The following FHIT variants were observed in gnomAD, a reference collection of about 807,000 sequenced individuals.
FHIT encodes the protein bis(5'-adenosyl)-triphosphatase.
FHIT carries 19 observed loss-of-function variants against 17.9 expected under a neutral mutation model. That is an observed-to-expected ratio of 1.06 (90% confidence interval 0.74 to 1.56). FHIT has a LOEUF of 1.56. FHIT is among the 40% of genes most tolerant of loss of function. FHIT has a pLI of 0.00. For missense variants in FHIT, 248 were observed against 189.2 expected, an observed-to-expected ratio of 1.31 and a Z score of -1.82; for synonymous variants, 81 against 69.7, an observed-to-expected ratio of 1.16 and a Z score of -0.81.
chr3:60,259,511 G>C (rs1351688885), intron 5 of FHIT, among the ~76,000 whole-genome samples: 1 of 152,080 alleles, frequency 6.6e-6, no homozygotes, highest in Non-Finnish European at 1.5e-5. Flanking sequence ...CTTAAGTTAT[G>C]GCAACTGCAA....
intron 4 of FHIT, among the ~76,000 whole-genome samples, chr3:60,653,070 G>C (rs2040033748): frequency 6.6e-6 from 1 of 152,074 alleles, no homozygotes; most frequent in African/African-American, 2.4e-5. Flanking sequence ...CGCAACAATA[G>C]CCTTCTTATT....
chr3:60,993,124 T>C (rs1289895858), intron 3 of FHIT, among the ~76,000 whole-genome samples: 2 of 152,218 alleles, frequency 1.3e-5, no homozygotes, highest in Non-Finnish European at 2.9e-5. Flanking sequence ...ACATGCTCAC[T>C]AGAATGGTTC....
intron 3 of FHIT, among the ~76,000 whole-genome samples, chr3:61,018,452 T>C (rs927303446): frequency 3.9e-5 from 6 of 152,340 alleles, no homozygotes; most frequent in African/African-American, 9.6e-5. Context: ...GTCCAACTTT[T>C]AGTTTCTCTA....
At chr3:60,298,854 G>A (rs1010535828) in intron 5 of FHIT, among the ~76,000 whole-genome samples, 2 of 152,070 alleles carry the variant, frequency 1.3e-5, no homozygotes, top group Non-Finnish European at 2.9e-5. Flanking sequence ...TGAGTCAAGT[G>A]GCATGCAGCT....
intron 5 of FHIT, among the ~76,000 whole-genome samples, chr3:60,359,649 A>G (rs1699824177): frequency 6.6e-6 from 1 of 152,044 alleles, no homozygotes; most frequent in African/African-American, 2.4e-5. Context: ...GCCAAACACC[A>G]CTTGTTTTCG....
chr3:60,234,678 T>G (rs1704676449), intron 5 of FHIT, among the ~76,000 whole-genome samples: 1 of 152,188 alleles, frequency 6.6e-6, no homozygotes. Context: ...CTGAAAGAAT[T>G]GATTTTGAAG....
At chr3:60,004,063 A>G (rs545513470) in intron 7 of FHIT, among the ~76,000 whole-genome samples, 56 of 152,264 alleles carry the variant, frequency 3.7e-4, no homozygotes, top group African/African-American at 1.3e-3. Flanking sequence ...CTAGTATCCT[A>G]TAGCAAAATG....
intron 3 of FHIT, among the ~76,000 whole-genome samples, chr3:60,923,733 C>T (rs186048434): frequency 6.6e-6 from 1 of 152,208 alleles, no homozygotes; most frequent in East Asian, 1.9e-4. Flanking sequence ...GTGCAGCACA[C>T]TGAGCATGAG....
chr3:60,752,459 G>A (rs769098873), intron 4 of FHIT, among the ~76,000 whole-genome samples: 9 of 152,190 alleles, frequency 5.9e-5, no homozygotes, highest in East Asian at 1.9e-4. Context: ...ACTGGAAGGC[G>A]ACTGGGGTCA....
chr3:59,892,662 T>C (rs552661754), intron 8 of FHIT, among the ~76,000 whole-genome samples: 5 of 152,278 alleles, frequency 3.3e-5, no homozygotes, highest in African/African-American at 1.2e-4. Context: ...CTATTACCAA[T>C]GGTGGGGGAT....
intron 5 of FHIT, among the ~76,000 whole-genome samples, chr3:60,282,394 G>T (rs1250881997): frequency 8.5e-5 from 13 of 152,128 alleles, no homozygotes; most frequent in South Asian, 2.1e-4. Context: ...ATGGAAAAGG[G>T]AAAACTATAG....
chr3:59,960,608 G>A (rs974079097), intron 7 of FHIT, among the ~76,000 whole-genome samples: 1 of 152,274 alleles, frequency 6.6e-6, no homozygotes, highest in South Asian at 2.1e-4. Context: ...TGAGGCTTTG[G>A]GATAGATAGA....
intron 7 of FHIT, among the ~76,000 whole-genome samples, chr3:60,009,365 A>G (rs1268657100): frequency 6.6e-6 from 1 of 152,190 alleles, no homozygotes; most frequent in African/African-American, 2.4e-5. Context: ...CTGATTTAAA[A>G]AACAGAATCG....
chr3:61,141,650 T>G (rs9877573), intron 2 of FHIT, among the ~76,000 whole-genome samples: 38,288 of 151,004 alleles, frequency 0.25, 5,827 homozygotes, highest in East Asian at 0.45. Context: ...GTGGGTTGGG[T>G]TGAGGAAGGA....
chr3:59,906,142 C>G (rs1487598992), intron 8 of FHIT, among the ~76,000 whole-genome samples: 1 of 152,176 alleles, frequency 6.6e-6, no homozygotes, highest in Non-Finnish European at 1.5e-5. Flanking sequence ...CTGGCATTTG[C>G]TCTATGAGAA....
chr3:60,747,379 TTAGA>T (rs2042379872), intron 4 of FHIT, among the ~76,000 whole-genome samples: 1 of 152,188 alleles, frequency 6.6e-6, no homozygotes, highest in Non-Finnish European at 1.5e-5. Flanking sequence ...TCAATCATAA[TTAGA>T]TAGTGTGCAA....
intron 4 of FHIT, among the ~76,000 whole-genome samples, chr3:60,763,625 C>T (rs1273903973): frequency 6.6e-6 from 1 of 152,166 alleles, no homozygotes; most frequent in East Asian, 1.9e-4. Flanking sequence ...TGTATGTATC[C>T]AGCAACACAT....
intron 4 of FHIT, among the ~76,000 whole-genome samples, chr3:60,623,787 C>T (rs1029277): frequency 0.74 from 112,306 of 152,026 alleles, 41,720 homozygotes; most frequent in South Asian, 0.83. Flanking sequence ...AGGAACACAC[C>T]GGTTAACCAT....
At chr3:60,176,052 A>T (rs918197998) in intron 5 of FHIT, among the ~76,000 whole-genome samples, 7 of 152,172 alleles carry the variant, frequency 4.6e-5, no homozygotes, top group Non-Finnish European at 1.0e-4. Context: ...CTCAAAGTTA[A>T]ATTTAAATAG....
Sources: gnomAD v4.1 joint callset for allele counts (sites outside exome capture counted in the v4.1 genomes callset) on GRCh38, gnomAD v4.1.1 for gene constraint, MANE v1.5 for transcripts, NCBI Gene and HGNC (gene_info 2026-07-23, HGNC 2026-07-21) for gene names.